KCNC4: variants seen among roughly 807,000 people sequenced by gnomAD.
KCNC4 encodes voltage-gated potassium channel KCNC4.
In KCNC4, 23 loss-of-function variants were observed where a neutral mutation model predicts 42.8. That is an observed-to-expected ratio of 0.54 (90% CI 0.39 to 0.76). The LOEUF (loss-of-function observed/expected upper bound fraction) is 0.76. Ranked by LOEUF, KCNC4 falls within the 30% of genes least tolerant of loss-of-function variation. The probability of loss-of-function intolerance (pLI) is 0.00; values close to 1 mark genes in which losing one functional copy is unlikely to be tolerated. For missense variants in KCNC4, 751 were observed against 898.2 expected, an observed-to-expected ratio of 0.84 and a Z score of 2.10; for synonymous variants, 422 against 393.5, an observed-to-expected ratio of 1.07 and a Z score of -0.86.
rs1259718429 is a variant in KCNC4, at chr1:110,233,662, TTGTC to T, written c.*694_*697del. 1 of 152,608 alleles carries T rather than the reference TTGTC, an allele frequency of 6.6e-6. No homozygotes were observed. The allele number at this position is 152,608 out of a possible 1,614,324, so 9.5% of individuals were successfully genotyped here. A position where few individuals can be genotyped will look rare whatever the true frequency, so the allele number is the denominator to read the frequency against. ...TAGATTTGATTTTGTTCTCTCTCCT[TTGTC>T]TGTTTGTTGTCAAAGATGCTGCTGG... On this transcript the variant is annotated 3_prime_UTR_variant, in exon 4 of 4. Transcript: ENST00000438661.
chr1:110,219,568 C>T (rs1657980933), intron 1 of KCNC4: 1 of 152,224 alleles, frequency 6.6e-6, no homozygotes, highest in Admixed American at 6.5e-5. Context: ...CTCGGATCTC[C>T]ACTGCCAGCT....
intron 1 of KCNC4, among the ~76,000 whole-genome samples, chr1:110,218,488 C>T (rs79387257): frequency 0.011 from 1,618 of 152,222 alleles, 30 homozygotes; most frequent in African/African-American, 0.035. Context: ...CCGTTATCTC[C>T]TTTTTCTCTT....
chr1:110,270,517 C>T (rs1659617666), intron 1 of KCNC4, among the ~76,000 whole-genome samples: 1 of 152,154 alleles, frequency 6.6e-6, no homozygotes, highest in Non-Finnish European at 1.5e-5. Flanking sequence ...ATAGGCACTG[C>T]GAGTCTTACA....
exon 4 of KCNC4, chr1:110,247,176 A>T (rs1659167578): frequency 1.3e-5 from 2 of 150,318 alleles, no homozygotes; most frequent in African/African-American, 2.5e-5. Flanking sequence ...ATTTAGGTTG[A>T]TTCCATGTCT....
chr1:110,226,041 C>G lies in KCNC4; in HGVS notation c.1682C>G (p.Pro561Arg). The change falls in exon 3 of 4, where the codon CCC (proline) becomes CGC (arginine). Residue 561 changes from proline (P) to arginine (R), a missense_variant. By Grantham distance (103) the Pro-to-Arg change is moderately radical. This residue lies in a region of KCNC4 where 202 missense variants were observed against 181.5 expected (regional missense o/e 1.11). Transcript: ENST00000438661. Reference protein sequence around the residue: ...SDEEGAGLTQPLASSPTPEER... With the variant: ...SDEEGAGLTQRLASSPTPEER... ...GAGGAGGGAGCTGGCCTCACCCAAC[C>G]CCTGGCCTCCTCCCCGACCCCCGAG... is the stretch of plus-strand genomic sequence containing the variant. 6.2e-7 allele frequency: 1 copy of G among 1,613,930 alleles called. No homozygotes were observed.
chr1:110,241,733 C>T (rs1659038504), exon 4 of KCNC4: 1 of 152,238 alleles, frequency 6.6e-6, no homozygotes, highest in South Asian at 2.1e-4. Flanking sequence ...TCAAGGCCCA[C>T]TCAACTGTCA....
chr1:110,270,087 G>A (rs945278788), intron 1 of KCNC4, among the ~76,000 whole-genome samples: 3 of 152,196 alleles, frequency 2.0e-5, no homozygotes, highest in African/African-American at 7.2e-5. Context: ...AGTTTCTAGA[G>A]GACAGAGCTA....
At chr1:110,250,166 C>T (rs900683395), downstream of KCNC4, among the ~76,000 whole-genome samples, 1 of 152,204 alleles carries the variant, frequency 6.6e-6, no homozygotes, top group South Asian at 2.1e-4. Flanking sequence ...TCCCCCACCT[C>T]CCTCCTCCCA....
downstream of KCNC4, among the ~76,000 whole-genome samples, chr1:110,251,851 A>G (rs1473987919): frequency 6.6e-6 from 1 of 152,216 alleles, no homozygotes; most frequent in Non-Finnish European, 1.5e-5. Flanking sequence ...TCACTTCATC[A>G]GTAGAGGAGT....
intron 2 of KCNC4, chr1:110,224,678 A>C (rs1245309807): frequency 1.3e-5 from 2 of 152,270 alleles, no homozygotes; most frequent in Non-Finnish European, 2.9e-5. Context: ...AGGCCATCCC[A>C]AGAAAGCTCA....
chr1:110,226,257 C>T (rs750374165), intron 3 of KCNC4, 79 bp downstream of exon 3: 2 of 1,235,444 alleles, frequency 1.6e-6, no homozygotes, highest in South Asian at 1.2e-5. Context: ...AGCCTGAGGT[C>T]CCCCCCTCCC....
At chr1:110,256,019 G>C (rs983340421) in intron 1 of KCNC4, among the ~76,000 whole-genome samples, 1 of 152,202 alleles carries the variant, frequency 6.6e-6, no homozygotes, top group African/African-American at 2.4e-5. Context: ...CAAACACCTA[G>C]AACACAAGCT....
Position 110,211,370 on chromosome 1 carries a change from C to G in KCNC4, c.-130C>G, listed in dbSNP as rs1657433678. 2 of 1,368,310 alleles carry G rather than the reference C, an allele frequency of 1.5e-6. No homozygotes were observed. The highest frequency in any genetic ancestry group is 2.0e-6 in the Non-Finnish European group (2 of 1,020,046). The allele number at this position is 1,368,310 out of a possible 1,614,324, so 84.8% of individuals were successfully genotyped here. On this transcript the variant is annotated 5_prime_UTR_variant, in exon 1 of 4. Coordinates refer to ENST00000438661, the MANE Select transcript of KCNC4 (RefSeq NM_001039574.3). The surrounding 1 kb of genome is among the most constrained non-coding windows in gnomAD (Gnocchi z 6.5). Reference sequence around the variant, plus strand: ...GGGATAGGCAGGGGCAAGCCCAAGCCGCAGAGGGGGCCGCCACCGCCTCCT... The same window carrying G: ...GGGATAGGCAGGGGCAAGCCCAAGCGGCAGAGGGGGCCGCCACCGCCTCCT...
intron 1 of KCNC4, among the ~76,000 whole-genome samples, chr1:110,272,086 C>T (rs917853382): frequency 6.6e-6 from 1 of 152,224 alleles, no homozygotes; most frequent in African/African-American, 2.4e-5. Context: ...CCCACTCCAT[C>T]TTCTTCTGTG....
chr1:110,266,479 A>G (rs189653867), intron 1 of KCNC4, among the ~76,000 whole-genome samples: 65 of 152,300 alleles, frequency 4.3e-4, no homozygotes, highest in Non-Finnish European at 2.1e-4. Flanking sequence ...ACCCTCACTG[A>G]GTCCTTAGGA....
intron 1 of KCNC4, among the ~76,000 whole-genome samples, chr1:110,266,147 G>T (rs965204999): frequency 6.6e-6 from 1 of 152,204 alleles, no homozygotes; most frequent in African/African-American, 2.4e-5. Context: ...CTGGAAATAG[G>T]GGGAGAAATA....
rs554263255 is a variant in KCNC4 at position 110,229,792 on chromosome 1, GC to G, written c.1820-3116del. ...TGCTCCTGCCGCTCCCGGGAAGGGGGCCCTCCACAGCCTGAGGAACAAGGTT... is the reference window on the plus strand; with the variant it reads ...TGCTCCTGCCGCTCCCGGGAAGGGGGCCTCCACAGCCTGAGGAACAAGGTT... On this transcript the variant is annotated intron_variant, in intron 3 of 3. Coordinates refer to ENST00000438661, the MANE Select transcript of KCNC4 (RefSeq NM_001039574.3). Among the ~76,000 whole-genome samples the G allele has an allele frequency of 3.9e-5, 6 of 152,286 alleles. No individual in the cohort carries two copies. The South Asian group carries it at 1.2e-3, about 32-fold the overall frequency.
chr1:110,215,150 A>G (rs1349366757), intron 1 of KCNC4, among the ~76,000 whole-genome samples: 1 of 152,240 alleles, frequency 6.6e-6, no homozygotes, highest in Non-Finnish European at 1.5e-5. Flanking sequence ...GAGCAAAACG[A>G]TACAAATGGA....
At chr1:110,224,182 A>T (rs1035703517) in intron 2 of KCNC4, 7 of 395,846 alleles carry the variant, frequency 1.8e-5, no homozygotes, top group African/African-American at 1.4e-4. Flanking sequence ...CTGGTTTTAA[A>T]TCCAATCTTG....
Sources: allele counts gnomAD v4.1 joint callset (sites outside exome capture counted in the v4.1 genomes callset), GRCh38; gene constraint gnomAD v4.1.1; regional missense constraint gnomAD v4.1.1; non-coding constraint Gnocchi (gnomAD v3.1); transcripts MANE v1.5; gene names NCBI Gene and HGNC (gene_info 2026-07-23, HGNC 2026-07-21).